Variants in ERBB3 observed in about 807,000 individuals in gnomAD.
ERBB3 encodes the protein erb-b2 receptor tyrosine kinase 3.
In ERBB3, 96 loss-of-function variants were observed where a neutral mutation model predicts 156.7. The observed-to-expected ratio is 0.61, with a 90% confidence interval of 0.52 to 0.73. The LOEUF (loss-of-function observed/expected upper bound fraction) is 0.73, where lower values mean the gene tolerates loss of function less well. ERBB3 is among the 30% of genes least tolerant of loss of function. The pLI, the probability that ERBB3 is intolerant of heterozygous loss-of-function variation, is 0.00. For missense variants in ERBB3, 1,406 were observed against 1,709.4 expected, an observed-to-expected ratio of 0.82 and a Z score of 3.13; for synonymous variants, 567 against 632.0, an observed-to-expected ratio of 0.90 and a Z score of 1.54.
Position 56,100,176 on chromosome 12 carries a change from C to G in ERBB3, c.3132C>G (p.Ser1044Arg), listed in dbSNP as rs747724574. Reference sequence around the variant, plus strand: ...TTTTCCTTATTTTTTCATCCTAGAGCCAGAGCCTTTTAAGTCCATCATCTG... The same window carrying G: ...TTTTCCTTATTTTTTCATCCTAGAGGCAGAGCCTTTTAAGTCCATCATCTG... ...PVGTLNRPRG[S>R]QSLLSPSSGY... Residue 1044 changes from serine (S) to arginine (R), a missense_variant and splice_region_variant, in exon 26 of 28, where the codon AGC (serine) becomes AGG (arginine). Around this residue, in one of 3 missense-constraint regions of ERBB3, gnomAD observed 415 missense variants for 454.1 expected, o/e 0.91. Transcript: ENST00000267101. The G allele has an allele frequency of 6.2e-7, 1 of 1,613,684 alleles. No individual in the cohort carries two copies. The highest frequency in any genetic ancestry group is 8.5e-7 in the Non-Finnish European group (1 of 1,179,554).
rs2136795569 is a variant in ERBB3, at chr12:56,088,133, A to T, written c.845A>T (p.Tyr282Phe). 6.2e-7 allele frequency: 1 copy of T among 1,614,198 alleles called. No individual in the cohort carries two copies. Among genetic ancestry groups the T allele is most frequent in the Non-Finnish European group, 8.5e-7 (1 of 1,180,010 alleles). ...LEPNPHTKYQYGGVCVASCPH... is the reference protein window; with the variant it reads ...LEPNPHTKYQFGGVCVASCPH... The stretch of plus-strand genomic sequence containing the variant: ...CCCAATCCCCACACCAAGTATCAGT[A>T]TGGAGGAGTTTGTGTAGCCAGCTGT... The change falls in exon 7 of 28, where the codon TAT (tyrosine) becomes TTT (phenylalanine). Residue 282 changes from tyrosine to phenylalanine, a missense_variant. Transcript: ENST00000267101.
chr12:56,098,108 C>G (rs924633048), intron 21 of ERBB3, 168 bp downstream of exon 21: 2 of 706,418 alleles, frequency 2.8e-6, no homozygotes, highest in African/African-American at 3.6e-5. Context: ...AAATAATGAT[C>G]AAGAACTTGG....
At position 56,102,075 on chromosome 12, in the gene ERBB3, T is replaced by TTAACTATGAGC; in HGVS notation, c.*20_*21insTAACTATGAGC. ...ACGTAACTCCTGCTCCCTGTGGCAC[T>TTAACTATGAGC]CAGGGAGCATTTAATGGCAGCTAGT... On this transcript the variant is annotated 3_prime_UTR_variant, in exon 28 of 28. Coordinates refer to ENST00000267101, the MANE Select transcript of ERBB3 (RefSeq NM_001982.4). The TTAACTATGAGC allele has an allele frequency of 6.3e-7, 1 of 1,597,520 alleles. No homozygotes were observed. Among genetic ancestry groups the TTAACTATGAGC allele is most frequent in the Non-Finnish European group, 8.5e-7 (1 of 1,174,588 alleles).
At position 56,093,074 on chromosome 12, in the gene ERBB3, C is replaced by G. The variant is rs1318378598; in HGVS notation, c.1272C>G (p.Tyr424Ter). 6.2e-7 allele frequency: 1 copy of G among 1,607,736 alleles called. No homozygotes were observed. The highest frequency in any genetic ancestry group is 2.2e-5 in the East Asian group (1 of 44,862). Residue 424 changes from tyrosine to a stop codon, truncating the protein, a stop_gained and splice_region_variant, in exon 11 of 28, where the codon TAC becomes TAG. Coordinates refer to ENST00000267101, the MANE Select transcript of ERBB3 (RefSeq NM_001982.4). LOFTEE classifies it high-confidence loss of function. ...NLTTIGGRSL[Y>*]NRGFSLLIMK... ...CAACCATTGGAGGCAGAAGCCTCTACAAGTGAGTAAAGGGTATGGAGGAAA... is the reference window on the plus strand; with the variant it reads ...CAACCATTGGAGGCAGAAGCCTCTAGAAGTGAGTAAAGGGTATGGAGGAAA...
chr12:56,080,887 GCACCTCCTCTT>G (rs890213250), intron 1 of ERBB3, among the ~76,000 whole-genome samples: 1 of 152,214 alleles, frequency 6.6e-6, no homozygotes, highest in African/African-American at 2.4e-5. Flanking sequence ...AACAGGAGCG[GCACCTCCTCTT>G]CCGTGAGTGA....
At position 56,093,426 on chromosome 12, in the gene ERBB3, G is replaced by C. The variant is rs770543666; in HGVS notation, c.1356G>C (p.Gly452=). The change falls in exon 12 of 28, where the codon GGG becomes GGC. Residue 452 remains glycine, a synonymous_variant. Transcript: ENST00000267101. ...GATCCCTGAAGGAAATTAGTGCTGGGCGTATCTATATAAGTGCCAATAGGC... is the reference window on the plus strand; with the variant it reads ...GATCCCTGAAGGAAATTAGTGCTGGCCGTATCTATATAAGTGCCAATAGGC... ...GFRSLKEISA[G]RIYISANRQL... is the part of the protein sequence containing the mutation. The C allele has an allele frequency of 1.2e-6, 2 of 1,614,020 alleles. No homozygotes were observed. The highest frequency in any genetic ancestry group is 4.5e-5 in the East Asian group (2 of 44,870).
rs993665271 is a variant in ERBB3, at chr12:56,088,823, C to T, written c.1064C>T (p.Thr355Ile). ...SSNIDGFVNC[T>I]KILGNLDFLI... The stretch of plus-strand genomic sequence containing the variant: ...AACATTGATGGATTTGTGAACTGCA[C>T]CAAGATCCTGGGCAACCTGGACTTT... Residue 355 changes from threonine to isoleucine, a missense_variant, in exon 9 of 28, where the codon ACC (threonine) becomes ATC (isoleucine). Coordinates refer to ENST00000267101, the MANE Select transcript of ERBB3 (RefSeq NM_001982.4). The T allele has an allele frequency of 2.5e-6, 4 of 1,614,036 alleles. No individual in the cohort carries two copies. The highest frequency in any genetic ancestry group is 3.4e-6 in the Non-Finnish European group (4 of 1,180,032).
intron 9 of ERBB3, among the ~76,000 whole-genome samples, chr12:56,092,165 G>A (rs753052493): frequency 5.3e-5 from 8 of 151,108 alleles, no homozygotes; most frequent in Non-Finnish European, 7.4e-5. Flanking sequence ...CGAGGCGGGC[G>A]GATCACAAGG....
rs79759315 is a variant in ERBB3, at chr12:56,101,265, C to T, written c.3406C>T (p.Arg1136Cys). Residue 1136 changes from arginine (R) to cysteine (C), a missense_variant, in exon 27 of 28, where the codon CGC (arginine) becomes TGC (cysteine). Arg to Cys is a radical substitution (Grantham distance 180). Transcript: ENST00000267101. ...CGGAGATAGCGCCTACCATTCCCAG[C>T]GCCACAGTCTGCTGACTCCTGTTAC... is the stretch of plus-strand genomic sequence containing the variant. ...PRGDSAYHSQ[R>C]HSLLTPVTPL... 2.4e-5 allele frequency: 39 copies of T among 1,614,142 alleles called. No individual in the cohort carries two copies. The South Asian group carries it at 3.5e-4, about 15-fold the overall frequency.
At chr12:56,088,293 C>A in intron 7 of ERBB3, 131 bp downstream of exon 7, 1 of 1,040,256 alleles carries the variant, frequency 9.6e-7, no homozygotes, top group African/African-American at 1.6e-5. Flanking sequence ...ATCATCTAAC[C>A]ACTCCAGTGA....
At chr12:56,087,717 CTG>C (rs1868533103) in intron 5 of ERBB3, 75 bp downstream of exon 5, 2 of 1,586,882 alleles carry the variant, frequency 1.3e-6, no homozygotes, top group South Asian at 1.1e-5. Flanking sequence ...TGGGTCAACA[CTG>C]TGGGGGAGGC....
Position 56,093,033 on chromosome 12 carries a change from G to GT in ERBB3, c.1237dup (p.Ser413PhefsTer38), listed in dbSNP as rs1241369177. On this transcript the variant is annotated frameshift_variant, in exon 11 of 28. Coordinates refer to ENST00000267101, the MANE Select transcript of ERBB3 (RefSeq NM_001982.4). LOFTEE classifies it high-confidence loss of function. ...GCCGCCCCACATGCACAACTTCAGT[G>GT]TTTTTTCCAATTTGACAACCATTGG... is the stretch of plus-strand genomic sequence containing the variant. 1 of 1,614,178 alleles carries GT rather than the reference G, an allele frequency of 6.2e-7. No individual in the cohort carries two copies. Among genetic ancestry groups the GT allele is most frequent in the Non-Finnish European group, 8.5e-7 (1 of 1,180,036 alleles).
At chr12:56,089,408 C>T (rs554353576) in intron 9 of ERBB3, among the ~76,000 whole-genome samples, 9 of 152,272 alleles carry the variant, frequency 5.9e-5, no homozygotes, top group African/African-American at 2.2e-4. Context: ...AGCACCCAAC[C>T]TCCTTCTTAA....
chr12:56,089,497 C>G (rs545092829), intron 9 of ERBB3, among the ~76,000 whole-genome samples: 1 of 152,182 alleles, frequency 6.6e-6, no homozygotes, highest in African/African-American at 2.4e-5. Context: ...CCTATAATCC[C>G]AGCACTTTGG....
At chr12:56,086,725 C>T in intron 4 of ERBB3, 69 bp downstream of exon 4, 1 of 1,595,304 alleles carries the variant, frequency 6.3e-7, no homozygotes, top group Non-Finnish European at 8.6e-7. Context: ...TTTCCATCAT[C>T]CTTACATTCC....
Position 56,099,957 on chromosome 12 carries a change from G to C in ERBB3, c.3057G>C (p.Glu1019Asp), listed in dbSNP as rs139267530. The C allele has an allele frequency of 4.9e-4, 798 of 1,614,190 alleles. 1 individual carries two copies. The highest frequency in any genetic ancestry group is 6.6e-4 in the Non-Finnish European group (780 of 1,180,022). ...TAGACCTAGACTTGGAAGCAGAGGA[G>C]GACAACCTGGCAACCACCACACTGG... ...LDLDLDLEAE[E>D]DNLATTTLGS... is the part of the protein sequence containing the mutation. The change falls in exon 25 of 28, where the codon GAG becomes GAC. Residue 1019 changes from glutamate to aspartate, a missense_variant. Around this residue, in one of 3 missense-constraint regions of ERBB3, gnomAD observed 415 missense variants for 454.1 expected, o/e 0.91. Coordinates refer to ENST00000267101, the MANE Select transcript of ERBB3 (RefSeq NM_001982.4).
intron 13 of ERBB3, 76 bp from the exon 14 acceptor site, chr12:56,094,023 A>G: frequency 1.3e-6 from 2 of 1,555,716 alleles, no homozygotes; most frequent in Non-Finnish European, 1.8e-6. Flanking sequence ...GAGGTAGGAG[A>G]CCTGTGGTTG....
intron 15 of ERBB3, among the ~76,000 whole-genome samples, chr12:56,094,893 G>A (rs979541007): frequency 7.9e-5 from 12 of 151,736 alleles, no homozygotes; most frequent in African/African-American, 2.9e-4. Flanking sequence ...AGAGGTTGCG[G>A]TGAGCTGAGA....
chr12:56,096,671 A>C (rs746289457), intron 18 of ERBB3, 49 bp downstream of exon 18: 30 of 1,614,020 alleles, frequency 1.9e-5, no homozygotes, highest in Non-Finnish European at 2.5e-5. Context: ...CATCTAGGGC[A>C]AAGGGGTGAA....
Sources: allele counts gnomAD v4.1 joint callset (sites outside exome capture counted in the v4.1 genomes callset), GRCh38; gene constraint gnomAD v4.1.1; regional missense constraint gnomAD v4.1.1; transcripts MANE v1.5; gene names NCBI Gene and HGNC (gene_info 2026-07-23, HGNC 2026-07-21).